The following KIF23 variants were observed in gnomAD, a reference collection of about 807,000 sequenced individuals.
The protein encoded by KIF23 is kinesin family member 23.
Under a neutral mutation model 137.5 loss-of-function variants are expected in KIF23, and 30 were observed. The ratio of observed to expected loss-of-function variants is 0.22; its 90% CI spans 0.16 to 0.30. KIF23 has a LOEUF of 0.30. Ranked by LOEUF, KIF23 falls within the 10% of genes least tolerant of loss-of-function variation. The probability of loss-of-function intolerance (pLI) is 1.00; values close to 1 mark genes in which losing one functional copy is unlikely to be tolerated. For synonymous variants in KIF23, 367 were observed against 391.1 expected, an observed-to-expected ratio of 0.94 and a Z score of 0.73; for missense variants, 920 against 1,194.3, an observed-to-expected ratio of 0.77 and a Z score of 3.38.
intron 11 of KIF23, chr15:69,435,240 T>G: frequency 1.9e-6 from 1 of 528,836 alleles, no homozygotes; most frequent in Non-Finnish European, 3.3e-6. Flanking sequence ...TAATGTTGCA[T>G]TTTGTGGAAA....
intron 11 of KIF23, chr15:69,435,144 T>G: frequency 2.2e-6 from 1 of 460,134 alleles, no homozygotes; most frequent in South Asian, 4.6e-5. Context: ...GAGAATATAT[T>G]TTAATATGAG....
chr15:69,430,927 G>A (rs1298597924), intron 11 of KIF23, among the ~76,000 whole-genome samples: 1 of 152,144 alleles, frequency 6.6e-6, no homozygotes, highest in Non-Finnish European at 1.5e-5. Context: ...GACTCTCATA[G>A]CTTGTGTCTT....
Position 69,417,647 on chromosome 15 carries a change from A to T in KIF23, c.210+136A>T, listed in dbSNP as rs1381315206. 3 of 952,138 alleles carry T rather than the reference A, an allele frequency of 3.2e-6. No individual in the cohort carries two copies. The Admixed American group carries it at 7.8e-5, about 25-fold the overall frequency. 59.0% of individuals were successfully genotyped at this position (952,138 alleles called of 1,614,324 possible). A position where few individuals can be genotyped will look rare whatever the true frequency, so the allele number is the denominator to read the frequency against. On this transcript the variant is annotated intron_variant, in intron 3 of 23. Transcript: ENST00000679126. Reference sequence around the variant, plus strand: ...TTATTTACTTCATTATAACCACTGTATCTAAAGTGTTTTTGACTTCTGGGA... The same window carrying T: ...TTATTTACTTCATTATAACCACTGTTTCTAAAGTGTTTTTGACTTCTGGGA...
At position 69,447,850 on chromosome 15, in the gene KIF23, A is replaced by G. The variant is rs1490032564; in HGVS notation, c.*43A>G. 6.3e-7 allele frequency: 1 copy of G among 1,594,412 alleles called. No homozygotes were observed. The highest frequency in any genetic ancestry group is 2.2e-5 in the East Asian group (1 of 44,550). On this transcript the variant is annotated 3_prime_UTR_variant, in exon 24 of 24. Coordinates refer to ENST00000679126, the MANE Select transcript of KIF23 (RefSeq NM_001367805.3). ...TGAAAGAACATTTTCATTTGTGTGG[A>G]TGATTTCTCGAAAGCCATGCCAGAA...
intron 8 of KIF23, among the ~76,000 whole-genome samples, chr15:69,425,640 C>T (rs1203360822): frequency 6.6e-6 from 1 of 152,176 alleles, no homozygotes; most frequent in South Asian, 2.1e-4. Context: ...CAAACTCTTT[C>T]TGAATTTGTT....
intron 16 of KIF23, among the ~76,000 whole-genome samples, chr15:69,439,262 G>A (rs958528197): frequency 2.0e-5 from 3 of 151,718 alleles, no homozygotes; most frequent in Admixed American, 1.3e-4. Context: ...CTAGAGCTTA[G>A]CTTTGGTTGT....
At chr15:69,418,912 T>G (rs2140315071) in intron 3 of KIF23, among the ~76,000 whole-genome samples, 1 of 151,456 alleles carries the variant, frequency 6.6e-6, no homozygotes, top group South Asian at 2.1e-4. Context: ...AGGTCAGGAG[T>G]TCAAGACCAG....
chr15:69,422,421 G>T lies in KIF23; in HGVS notation c.549G>T (p.Lys183Asn). 1 of 1,589,416 alleles carries T rather than the reference G, an allele frequency of 6.3e-7. No individual in the cohort carries two copies. Among genetic ancestry groups the T allele is most frequent in the South Asian group, 1.1e-5 (1 of 90,580 alleles). Residue 183 changes from lysine to asparagine, a missense_variant, in exon 6 of 24, where the codon AAG (lysine) becomes AAT (asparagine). Coordinates refer to ENST00000679126, the MANE Select transcript of KIF23 (RefSeq NM_001367805.3). ...RQKREAMPNP[K>N]TSSSKRQVDP... ...AAAGAGAAGCTATGCCCAATCCAAA[G>T]ACTTCTTCTAGCAAGTAAGTAATTA...
intron 2 of KIF23, among the ~76,000 whole-genome samples, chr15:69,416,505 C>T (rs973236631): frequency 2.0e-5 from 3 of 152,108 alleles, no homozygotes; most frequent in Admixed American, 2.0e-4. Context: ...TAAAACAAAA[C>T]AACAAATGGC....
intron 6 of KIF23, among the ~76,000 whole-genome samples, chr15:69,422,689 G>A (rs1161544938): frequency 6.6e-6 from 1 of 152,288 alleles, no homozygotes; most frequent in East Asian, 1.9e-4. Context: ...GTGTGTTCGG[G>A]AGGACGTGGG....
intron 20 of KIF23, among the ~76,000 whole-genome samples, chr15:69,445,389 AAAAC>A (rs2057718280): frequency 6.6e-6 from 1 of 152,194 alleles, no homozygotes; most frequent in African/African-American, 2.4e-5. Flanking sequence ...TAAAAAAACA[AAAAC>A]AAAACAAAAC....
At chr15:69,430,091 A>G (rs2057318117) in intron 11 of KIF23, among the ~76,000 whole-genome samples, 2 of 152,170 alleles carry the variant, frequency 1.3e-5, no homozygotes, top group South Asian at 2.1e-4. Context: ...TGTTATTTCA[A>G]TACTTATTAG....
chr15:69,429,237 TA>T (rs1329785111), intron 11 of KIF23, 24 bp downstream of exon 11: 2 of 1,522,032 alleles, frequency 1.3e-6, no homozygotes, highest in East Asian at 4.6e-5. Context: ...GGTATTTATT[TA>T]TTGCTACAAC....
intron 3 of KIF23, among the ~76,000 whole-genome samples, chr15:69,420,598 T>A (rs967894796): frequency 2.4e-4 from 37 of 152,350 alleles, no homozygotes; most frequent in African/African-American, 8.9e-4. Context: ...AACTCAGAGA[T>A]GAGATAATAT....
chr15:69,414,493 C>T lies in KIF23; in HGVS notation c.11+17C>T. The T allele has an allele frequency of 1.9e-6, 3 of 1,573,950 alleles. No individual in the cohort carries two copies. The highest frequency in any genetic ancestry group is 2.6e-6 in the Non-Finnish European group (3 of 1,159,532). ...GAAGTCAGCGTGAGTACGAGGCCGCCGAGCAGGGAGAGAGGGCGGACGGGG... is the reference window on the plus strand; with the variant it reads ...GAAGTCAGCGTGAGTACGAGGCCGCTGAGCAGGGAGAGAGGGCGGACGGGG... On this transcript the variant is annotated intron_variant, in intron 1 of 23. Transcript: ENST00000679126.
intron 1 of KIF23, 191 bp downstream of exon 1, chr15:69,414,667 G>A (rs960967386): frequency 1.3e-5 from 7 of 552,324 alleles, no homozygotes; most frequent in African/African-American, 1.2e-4. Flanking sequence ...GCCTGGGCGC[G>A]GAGACCCCTG....
chr15:69,425,208 A>G (rs1186435592), intron 7 of KIF23, 74 bp from the exon 8 acceptor site: 6 of 1,117,678 alleles, frequency 5.4e-6, no homozygotes, highest in Admixed American at 4.4e-5. Flanking sequence ...TGATTGTCAC[A>G]TAGTCTGGAC....
At position 69,446,381 on chromosome 15, in the gene KIF23, A is replaced by G. The variant is rs1204070542; in HGVS notation, c.2838+17A>G. 3.1e-6 allele frequency: 5 copies of G among 1,594,704 alleles called. No homozygotes were observed. The African/African-American group carries it at 4.0e-5, about 13-fold the overall frequency. On this transcript the variant is annotated intron_variant, in intron 22 of 23. Transcript: ENST00000679126. ...GAAACAAGGGTAGGGGAAAAATTAAATATTTGTCTGCCTACTAAAATTAGG... is the reference window on the plus strand; with the variant it reads ...GAAACAAGGGTAGGGGAAAAATTAAGTATTTGTCTGCCTACTAAAATTAGG...
intron 1 of KIF23, 103 bp from the exon 2 acceptor site, chr15:69,415,891 A>G: frequency 1.2e-6 from 1 of 802,136 alleles, no homozygotes; most frequent in Non-Finnish European, 1.9e-6. Context: ...GCTAAGGGAT[A>G]ATTTACAGAT....
Sources: gnomAD v4.1 joint callset for allele counts (sites outside exome capture counted in the v4.1 genomes callset) on GRCh38, gnomAD v4.1.1 for gene constraint, MANE v1.5 for transcripts, NCBI Gene and HGNC (gene_info 2026-07-23, HGNC 2026-07-21) for gene names.